KLHL29: variants seen among roughly 807,000 people sequenced by gnomAD.
KLHL29 encodes the protein kelch like family member 29, also known as kelch-like protein 29.
In KLHL29, 21 loss-of-function variants were observed where a neutral mutation model predicts 80.4. The ratio of observed to expected loss-of-function variants is 0.26; its 90% CI spans 0.19 to 0.38. The LOEUF (loss-of-function observed/expected upper bound fraction) is 0.38, where lower values mean the gene tolerates loss of function less well. Ranked by LOEUF, KLHL29 falls within the 10% of genes least tolerant of loss-of-function variation. The pLI, the probability that KLHL29 is intolerant of heterozygous loss-of-function variation, is 1.00. For synonymous variants in KLHL29, 511 were observed against 526.8 expected (o/e 0.97, Z 0.41); for missense variants, 867 against 1,223.9 (o/e 0.71, Z 4.35).
intron 3 of KLHL29, among the ~76,000 whole-genome samples, chr2:23,612,304 C>T (rs957880473): frequency 3.0e-4 from 46 of 152,288 alleles, no homozygotes; most frequent in African/African-American, 9.6e-4. Context: ...TAAAACATTG[C>T]AAGTCAGAAG....
At chr2:23,703,473 C>CCAA in intron 12 of KLHL29, 94 bp downstream of exon 12, 1 of 1,198,244 alleles carries the variant, frequency 8.3e-7, no homozygotes, top group Non-Finnish European at 1.1e-6. Context: ...CAGGCTAAGC[C>CCAA]CAACAGCTCT....
intron 5 of KLHL29, among the ~76,000 whole-genome samples, chr2:23,656,840 C>T (rs1344034301): frequency 6.6e-6 from 1 of 151,752 alleles, no homozygotes; most frequent in African/African-American, 2.4e-5. Context: ...CAGACTGAAA[C>T]TCCCTAAGAA....
intron 3 of KLHL29, among the ~76,000 whole-genome samples, chr2:23,590,407 C>T (rs1207326855): frequency 6.6e-6 from 1 of 152,220 alleles, no homozygotes; most frequent in East Asian, 1.9e-4. Context: ...ATTTCACGCT[C>T]CACCTCCTGC....
At chr2:23,655,089 G>T (rs1362288306) in intron 5 of KLHL29, among the ~76,000 whole-genome samples, 3 of 152,202 alleles carry the variant, frequency 2.0e-5, no homozygotes, top group Non-Finnish European at 4.4e-5. Flanking sequence ...TGGGATGGCT[G>T]GGTGGATGGA....
intron 1 of KLHL29, among the ~76,000 whole-genome samples, chr2:23,458,734 A>G (rs1018822987): frequency 2.6e-5 from 4 of 152,320 alleles, no homozygotes; most frequent in South Asian, 2.1e-4. Flanking sequence ...AACACCCTGC[A>G]GTACAAGTGC....
At chr2:23,537,811 G>A (rs929265524) in intron 2 of KLHL29, among the ~76,000 whole-genome samples, 6 of 152,150 alleles carry the variant, frequency 3.9e-5, no homozygotes, top group African/African-American at 1.4e-4. Flanking sequence ...TGGAAGGCTG[G>A]GTTCTCAAGG....
In KLHL29 at chr2:23,661,989, C is replaced by T. The variant is rs1300795188; in HGVS notation, c.940+19139C>T. On this transcript the variant is annotated intron_variant, in intron 5 of 13. Transcript: ENST00000486442. ...GCACATGGTAGATGCTCAGTAAACACTTTTTGAGTGTATGAGTGAATGAAT... is the reference window on the plus strand; with the variant it reads ...GCACATGGTAGATGCTCAGTAAACATTTTTTGAGTGTATGAGTGAATGAAT... Among the ~76,000 whole-genome samples the T allele has an allele frequency of 2.6e-5, 4 of 152,180 alleles. No homozygotes were observed. In the South Asian group the frequency reaches 8.3e-4, roughly 32 times the overall value.
intron 2 of KLHL29, among the ~76,000 whole-genome samples, chr2:23,551,400 T>C (rs1667119743): frequency 6.6e-6 from 1 of 152,004 alleles, no homozygotes; most frequent in Admixed American, 6.6e-5. Context: ...AAAGCAAAGG[T>C]GCACATGGGA....
rs545373826 is a variant in KLHL29, at chr2:23,531,125, G to A, written c.-45-31027G>A. ...TAAGCTGGGACTGTATCTGGGACTC[G>A]GCAGAAGCCTGGCTGAGAAGCCTGT... On this transcript the variant is annotated intron_variant, in intron 2 of 13. Coordinates refer to ENST00000486442, the MANE Select transcript of KLHL29 (RefSeq NM_052920.2). Among the ~76,000 whole-genome samples, 87 of 152,354 alleles carry A rather than the reference G, an allele frequency of 5.7e-4. No individual in the cohort carries two copies. In the Middle Eastern group the frequency reaches 0.014, roughly 24 times the overall value.
chr2:23,603,288 G>A (rs1320738155), intron 3 of KLHL29, among the ~76,000 whole-genome samples: 1 of 152,162 alleles, frequency 6.6e-6, no homozygotes, highest in African/African-American at 2.4e-5. Context: ...CAGAAACCCC[G>A]TTCATCCCAC....
intron 2 of KLHL29, among the ~76,000 whole-genome samples, chr2:23,548,292 A>G (rs796541846): frequency 2.7e-5 from 4 of 150,716 alleles, no homozygotes; most frequent in African/African-American, 7.3e-5. Flanking sequence ...CACACACACA[A>G]ACACACACAG....
intron 2 of KLHL29, among the ~76,000 whole-genome samples, chr2:23,561,006 C>T (rs1227513341): frequency 6.6e-6 from 1 of 152,182 alleles, no homozygotes; most frequent in East Asian, 1.9e-4. Context: ...AGCTGGGAAC[C>T]CGGACCTCCG....
At chr2:23,414,359 G>A (rs1369906916) in intron 1 of KLHL29, among the ~76,000 whole-genome samples, 1 of 152,234 alleles carries the variant, frequency 6.6e-6, no homozygotes, top group Non-Finnish European at 1.5e-5. Context: ...TTTGTGCGGC[G>A]GGGTGGGAGG....
intron 1 of KLHL29, among the ~76,000 whole-genome samples, chr2:23,443,382 A>G (rs1385329868): frequency 2.0e-5 from 3 of 152,156 alleles, no homozygotes; most frequent in Non-Finnish European, 4.4e-5. Flanking sequence ...TCTACATTCA[A>G]ATTTCCCGAG....
chr2:23,657,347 C>T (rs1670275172), intron 5 of KLHL29, among the ~76,000 whole-genome samples: 1 of 151,162 alleles, frequency 6.6e-6, no homozygotes, highest in South Asian at 2.1e-4. Context: ...TTATTCTTGC[C>T]TCTTTTCACT....
chr2:23,525,628 C>T (rs928957697), intron 2 of KLHL29, among the ~76,000 whole-genome samples: 17 of 151,884 alleles, frequency 1.1e-4, no homozygotes, highest in Admixed American at 2.0e-4. Flanking sequence ...CTGAGCTTGG[C>T]GGCGAGGGGC....
At chr2:23,500,660 T>C (rs906377589) in intron 2 of KLHL29, among the ~76,000 whole-genome samples, 1 of 152,230 alleles carries the variant, frequency 6.6e-6, no homozygotes, top group Non-Finnish European at 1.5e-5. Flanking sequence ...AAAACCTGTT[T>C]GGAGCTTTGG....
At chr2:23,392,376 C>T (rs7574585) in intron 1 of KLHL29, among the ~76,000 whole-genome samples, 36,580 of 151,992 alleles carry the variant, frequency 0.24, 4,625 homozygotes, top group South Asian at 0.31. Context: ...TTAAAAATAC[C>T]CTTGAGTTGA....
chr2:23,511,877 C>T (rs769617305), intron 2 of KLHL29, among the ~76,000 whole-genome samples: 11 of 152,008 alleles, frequency 7.2e-5, no homozygotes, highest in African/African-American at 1.5e-4. Context: ...GTGCTGGTGG[C>T]GAGTTCTGAC....
Sources: allele counts gnomAD v4.1 joint callset (sites outside exome capture counted in the v4.1 genomes callset), GRCh38; gene constraint gnomAD v4.1.1; transcripts MANE v1.5; gene names NCBI Gene and HGNC (gene_info 2026-07-23, HGNC 2026-07-21).